RIMS2: variants seen among roughly 807,000 people sequenced by gnomAD.
The protein encoded by RIMS2 is regulating synaptic membrane exocytosis protein 2.
In RIMS2, 59 loss-of-function variants were observed where a neutral mutation model predicts 174.4. The observed-to-expected ratio is 0.34, with a 90% confidence interval of 0.27 to 0.42. The LOEUF is 0.42. Among genes scored for constraint, RIMS2 ranks in the 10% least tolerant of loss-of-function variants. The probability of loss-of-function intolerance (pLI) is 1.00; values close to 1 mark genes in which losing one functional copy is unlikely to be tolerated. For missense variants in RIMS2, 1,620 were observed against 1,666.3 expected, an observed-to-expected ratio of 0.97 and a Z score of 0.48; for synonymous variants, 606 against 572.5, an observed-to-expected ratio of 1.06 and a Z score of -0.84.
At chr8:103,703,976 C>T (rs903747248) in intron 2 of RIMS2, among the ~76,000 whole-genome samples, 9 of 151,788 alleles carry the variant, frequency 5.9e-5, no homozygotes, top group Admixed American at 2.0e-4. Flanking sequence ...TGCCTTTTGT[C>T]TATTTCTGTT....
chr8:103,930,618 A>G (rs2079727406), intron 11 of RIMS2, among the ~76,000 whole-genome samples: 1 of 152,116 alleles, frequency 6.6e-6, no homozygotes, highest in Non-Finnish European at 1.5e-5. Flanking sequence ...ATCTCAAATA[A>G]TAAAATGTAC....
intron 16 of RIMS2, among the ~76,000 whole-genome samples, chr8:103,982,182 C>T (rs13259328): frequency 3.3e-5 from 5 of 151,942 alleles, no homozygotes; most frequent in African/African-American, 4.8e-5. Flanking sequence ...TAGACACTTA[C>T]TAGATTGGGC....
intron 1 of RIMS2, among the ~76,000 whole-genome samples, chr8:103,618,433 C>T (rs1589141141): frequency 6.6e-6 from 1 of 151,978 alleles, no homozygotes; most frequent in African/African-American, 2.4e-5. Context: ...TGTAAATTGG[C>T]AGTACAGCCA....
intron 19 of RIMS2, among the ~76,000 whole-genome samples, chr8:104,058,535 G>A (rs1179439351): frequency 1.3e-5 from 2 of 149,574 alleles, no homozygotes; most frequent in Non-Finnish European, 1.5e-5. Flanking sequence ...TCACTCTGAT[G>A]GTAGTTTCTT....
At chr8:103,712,150 C>T (rs2097312787) in intron 2 of RIMS2, among the ~76,000 whole-genome samples, 1 of 150,064 alleles carries the variant, frequency 6.7e-6, no homozygotes, top group African/African-American at 2.5e-5. Flanking sequence ...CACCGCCTCA[C>T]CCGCTTAATT....
chr8:103,732,133 A>C (rs1315163011), intron 2 of RIMS2, among the ~76,000 whole-genome samples: 2 of 152,176 alleles, frequency 1.3e-5, no homozygotes, highest in Non-Finnish European at 2.9e-5. Context: ...GTTTTTGGTC[A>C]CTGTAGCCAT....
At chr8:103,805,071 G>A (rs1172360217) in intron 3 of RIMS2, among the ~76,000 whole-genome samples, 1 of 152,044 alleles carries the variant, frequency 6.6e-6, no homozygotes, top group Non-Finnish European at 1.5e-5. Flanking sequence ...TGGCATTACA[G>A]GATGAACCAC....
In RIMS2 at chr8:103,919,004, G is replaced by C. The variant is rs16870828; in HGVS notation, c.2083+517G>C. On this transcript the variant is annotated intron_variant, in intron 9 of 23. Coordinates refer to ENST00000504942, the Ensembl canonical transcript of RIMS2. ...GGATAACAGTTCTGATTTAACGTCA[G>C]AGCAGTAGTGGAACAATAAATACAG... Among the ~76,000 whole-genome samples the C allele has an allele frequency of 9.5e-3, 1,444 of 152,216 alleles. 23 individuals are homozygous for C. The highest frequency in any genetic ancestry group is 0.034 in the African/African-American group (1,408 of 41,534).
intron 2 of RIMS2, among the ~76,000 whole-genome samples, chr8:103,762,953 TATA>T (rs1484051804): frequency 2.6e-5 from 4 of 152,188 alleles, no homozygotes; most frequent in African/African-American, 4.8e-5. Flanking sequence ...AATACGGTAT[TATA>T]ATATTAGGGA....
At chr8:103,802,483 C>T (rs561915630) in intron 3 of RIMS2, among the ~76,000 whole-genome samples, 2 of 152,124 alleles carry the variant, frequency 1.3e-5, no homozygotes, top group South Asian at 2.1e-4. Context: ...TGAAGTAATT[C>T]CGGTATTGGT....
chr8:103,651,239 C>T (rs34955447), intron 1 of RIMS2, among the ~76,000 whole-genome samples: 26,768 of 152,150 alleles, frequency 0.18, 2,564 homozygotes, highest in African/African-American at 0.23. Flanking sequence ...TGGGCTATCG[C>T]CCTACCCTGC....
At chr8:104,212,429 G>A (rs1457479806) in intron 19 of RIMS2, among the ~76,000 whole-genome samples, 2 of 152,136 alleles carry the variant, frequency 1.3e-5, no homozygotes, top group Admixed American at 6.6e-5. Context: ...GAAGTCAAGA[G>A]AAGATAATAA....
intron 19 of RIMS2, among the ~76,000 whole-genome samples, chr8:104,144,296 A>G (rs138963257): frequency 5.3e-4 from 80 of 152,344 alleles, no homozygotes; most frequent in Middle Eastern, 3.4e-3. Context: ...AATTAGAAAT[A>G]TGCACAAAAC....
At chr8:104,014,581 T>G (rs1371476722) in exon 19 of RIMS2, 26 of 1,612,570 alleles carry the variant, frequency 1.6e-5, no homozygotes, top group Non-Finnish European at 2.1e-5. Context: ...GCCGACAGCT[T>G]CCACAGCTTC....
chr8:104,214,537 G>A (rs890802894), intron 19 of RIMS2, among the ~76,000 whole-genome samples: 12 of 151,804 alleles, frequency 7.9e-5, no homozygotes, highest in South Asian at 4.2e-4. Flanking sequence ...AACCTCCACC[G>A]CCTGGGTTCA....
chr8:103,945,236 CT>C (rs2083440493), intron 14 of RIMS2, among the ~76,000 whole-genome samples: 1 of 151,772 alleles, frequency 6.6e-6, no homozygotes, highest in African/African-American at 2.4e-5. Flanking sequence ...ATTACAGAAA[CT>C]GATCCATAAA....
At chr8:103,519,599 A>G (rs190130256) in intron 1 of RIMS2, among the ~76,000 whole-genome samples, 1 of 152,136 alleles carries the variant, frequency 6.6e-6, no homozygotes, top group African/African-American at 2.4e-5. Context: ...TTCATTCTAT[A>G]CTGGTTCTCC....
exon 17 of RIMS2, chr8:103,989,394 A>G (rs746264503): frequency 6.2e-7 from 1 of 1,602,560 alleles, no homozygotes; most frequent in South Asian, 1.1e-5. Context: ...CGTGTCATGG[A>G]TGACCATTAT....
chr8:104,050,651 G>A (rs576040865), intron 19 of RIMS2, among the ~76,000 whole-genome samples: 1 of 152,314 alleles, frequency 6.6e-6, no homozygotes, highest in South Asian at 2.1e-4. Context: ...TTAAGCATCA[G>A]TGAAGGATAA....
Sources: gnomAD v4.1 joint callset for allele counts (sites outside exome capture counted in the v4.1 genomes callset) on GRCh38, gnomAD v4.1.1 for gene constraint, MANE v1.5 for transcripts, NCBI Gene and HGNC (gene_info 2026-07-23, HGNC 2026-07-21) for gene names.